Variants in GRIN2C observed in about 807,000 individuals in gnomAD.
The protein encoded by GRIN2C is glutamate ionotropic receptor NMDA type subunit 2C, also known as glutamate receptor ionotropic, NMDA 2C.
In GRIN2C, 64 loss-of-function variants were observed where a neutral mutation model predicts 77.7. That is an observed-to-expected ratio of 0.82 (90% CI 0.67 to 1.01). The LOEUF is 1.01. Ranked by LOEUF, GRIN2C falls within the 50% of genes least tolerant of loss-of-function variation. The probability of loss-of-function intolerance (pLI) is 0.00; values close to 1 mark genes in which losing one functional copy is unlikely to be tolerated. For synonymous variants in GRIN2C, 792 were observed against 643.4 expected, an observed-to-expected ratio of 1.23 and a Z score of -3.49; for missense variants, 1,549 against 1,486.0, an observed-to-expected ratio of 1.04 and a Z score of -0.70.
intron 1 of GRIN2C, among the ~76,000 whole-genome samples, 186 bp from the exon 2 acceptor site, chr17:74,855,293 G>T (rs2037791272): frequency 6.6e-6 from 1 of 152,162 alleles, no homozygotes; most frequent in South Asian, 2.1e-4. Context: ...AAGAGACAGA[G>T]GTTAGTTGAG....
At position 74,847,348 on chromosome 17, in the gene GRIN2C, T is replaced by C. The variant is rs1380703593; in HGVS notation, c.1961A>G (p.Glu654Gly). The change falls in exon 9 of 13, where the codon GAG becomes GGG. Residue 654 changes from glutamate (E) to glycine (G), a missense_variant. Coordinates refer to ENST00000293190, the MANE Select transcript of GRIN2C (RefSeq NM_000835.6). This position sits in a 1 kb window ranked among gnomAD's most constrained non-coding sequence, Gnocchi z 5.2. ...GCCCGACACAGTGTCGATGTATTGC[T>C]CTTGGATCATGAAGGCGGCCAGGTT... is the stretch of plus-strand genomic sequence containing the variant. ...TANLAAFMIQ[E>G]QYIDTVSGLS... 2.7e-6 allele frequency: 4 copies of C among 1,507,782 alleles called. No individual in the cohort carries two copies. Among genetic ancestry groups the C allele is most frequent in the Non-Finnish European group, 3.6e-6 (4 of 1,115,862 alleles). 93.4% of individuals were successfully genotyped at this position (1,507,782 alleles called of 1,614,324 possible).
At position 74,850,019 on chromosome 17, in the gene GRIN2C, G is replaced by A. The variant is rs1200003262; in HGVS notation, c.1492-86C>T. The stretch of plus-strand genomic sequence containing the variant: ...CAGGCACCTCCAGACACCCCTTCTA[G>A]CACCCACCAGCTGAGTCAATCATTC... On this transcript the variant is annotated intron_variant, in intron 6 of 12. Transcript: ENST00000293190. This position sits in a 1 kb window ranked among gnomAD's most constrained non-coding sequence, Gnocchi z 5.3. 5.5e-6 allele frequency: 8 copies of A among 1,447,802 alleles called. No homozygotes were observed. In the East Asian group the frequency reaches 1.8e-4, roughly 33 times the overall value. 89.7% of individuals were successfully genotyped at this position (1,447,802 alleles called of 1,614,324 possible).
Position 74,852,002 on chromosome 17 carries a change from C to A in GRIN2C, c.998+11G>T. 1 of 1,467,264 alleles carries A rather than the reference C, an allele frequency of 6.8e-7. No individual in the cohort carries two copies. The highest frequency in any genetic ancestry group is 2.5e-5 in the East Asian group (1 of 40,500). The allele number at this position is 1,467,264 out of a possible 1,614,324, so 90.9% of individuals were successfully genotyped here. On this transcript the variant is annotated intron_variant, in intron 3 of 12. Coordinates refer to ENST00000293190, the MANE Select transcript of GRIN2C (RefSeq NM_000835.6). ...CACCTCCCTACCCCTATGCCCCGGG[C>A]AGGTGCCCACCTGTAGAAGGCCTCC...
chr17:74,859,023 C>T lies in GRIN2C; in HGVS notation c.-16+721G>A, dbSNP rs558183887. On this transcript the variant is annotated intron_variant, in intron 1 of 12. Transcript: ENST00000293190. The surrounding 1 kb of genome is among the most constrained non-coding windows in gnomAD (Gnocchi z 5.9). ...CTTCTTCCCCCTGCCCTGGCTTCCC[C>T]TCCTGGGTGGGGAGCTCTGTGTAGT... 4.6e-5 allele frequency among the ~76,000 whole-genome samples: 7 copies of T among 152,188 alleles called. No individual in the cohort carries two copies. Among genetic ancestry groups the T allele is most frequent in the African/African-American group, 1.7e-4 (7 of 41,544 alleles).
Position 74,848,916 on chromosome 17 carries a change from C to G in GRIN2C, c.1645+864G>C, listed in dbSNP as rs527352349. ...CCTGTGGTCCCAGCTACTCAAGAGG[C>G]TGAGGTGGGAGGATCACTTGAGCCC... is the stretch of plus-strand genomic sequence containing the variant. On this transcript the variant is annotated intron_variant, in intron 7 of 12. Coordinates refer to ENST00000293190, the MANE Select transcript of GRIN2C (RefSeq NM_000835.6). Among the ~76,000 whole-genome samples, 16 of 151,962 alleles carry G rather than the reference C, an allele frequency of 1.1e-4. No homozygotes were observed. In the Middle Eastern group the frequency reaches 0.01, roughly 97 times the overall value.
chr17:74,847,608 C>A lies in GRIN2C; in HGVS notation c.1772-71G>T. The A allele has an allele frequency of 3.5e-6, 4 of 1,150,360 alleles. No individual in the cohort carries two copies. Among genetic ancestry groups the A allele is most frequent in the Non-Finnish European group, 5.1e-6 (4 of 790,186 alleles). 71.3% of individuals were successfully genotyped at this position (1,150,360 alleles called of 1,614,324 possible). The stretch of plus-strand genomic sequence containing the variant: ...ATGAAAGGGCTCAGGGCTCAGCCCA[C>A]CCGACTGCACAGCTCCGGTCTCAGC... On this transcript the variant is annotated intron_variant, in intron 8 of 12. Coordinates refer to ENST00000293190, the MANE Select transcript of GRIN2C (RefSeq NM_000835.6). The surrounding 1 kb of genome is among the most constrained non-coding windows in gnomAD (Gnocchi z 5.2).
At chr17:74,852,633 G>GC (rs199662980) in intron 2 of GRIN2C, 22 bp from the exon 3 acceptor site, 1,219,360 of 1,219,386 alleles carry the variant, frequency 1, 609,667 homozygotes, top group Middle Eastern at 1. Flanking sequence ...CGGGGCCTGA[G>GC]CGGGGCGGGA....
chr17:74,854,982 G>A lies in GRIN2C; in HGVS notation c.111C>T (p.Ser37=), dbSNP rs1331934951. 2 of 1,609,738 alleles carry A rather than the reference G, an allele frequency of 1.2e-6. No homozygotes were observed. Among genetic ancestry groups the A allele is most frequent in the South Asian group, 1.1e-5 (1 of 91,044 alleles). ...ACTGGGCCTGGGGCGGCCCTGAGCT[G>A]CTAAACACCACGGCCACCGTCATGC... ...EQGMTVAVVF[S]SSGPPQAQFR... The change falls in exon 2 of 13, where the codon AGC becomes AGT. Residue 37 remains serine, a synonymous_variant. Transcript: ENST00000293190.
Position 74,843,608 on chromosome 17 carries a change from C to T in GRIN2C, c.2584-55G>A, listed in dbSNP as rs1167367068. Reference sequence around the variant, plus strand: ...GCAGCGCCCTCCGCTCAGGGACCCGCCACGATTGTCCCTGCCTGGTCCCAA... The same window carrying T: ...GCAGCGCCCTCCGCTCAGGGACCCGTCACGATTGTCCCTGCCTGGTCCCAA... On this transcript the variant is annotated intron_variant, in intron 12 of 12. Transcript: ENST00000293190. The T allele has an allele frequency of 1.9e-5, 29 of 1,521,672 alleles. No homozygotes were observed. In the South Asian group the frequency reaches 3.0e-4, roughly 16 times the overall value. The allele number at this position is 1,521,672 out of a possible 1,614,324, so 94.3% of individuals were successfully genotyped here.
rs770248533 is a variant in GRIN2C, at chr17:74,842,661, A to C, written c.3476T>G (p.Phe1159Cys). Residue 1159 changes from phenylalanine (F) to cysteine (C), a missense_variant, in exon 13 of 13, where the codon TTT becomes TGT. Phe to Cys is a radical substitution (Grantham distance 205). Coordinates refer to ENST00000293190, the MANE Select transcript of GRIN2C (RefSeq NM_000835.6). The part of the protein sequence containing the change: ...VCLHAHAHLP[F>C]CWGAVCPHLP... ...GTGAGGACAGACAGCCCCCCAGCAAAATGGCAGGTGGGCGTGGGCGTGCAG... is the reference window on the plus strand; with the variant it reads ...GTGAGGACAGACAGCCCCCCAGCAACATGGCAGGTGGGCGTGGGCGTGCAG... 1 of 745,444 alleles carries C rather than the reference A, an allele frequency of 1.3e-6. No individual in the cohort carries two copies. The highest frequency in any genetic ancestry group is 1.4e-5 in the South Asian group (1 of 70,392). 46.2% of individuals were successfully genotyped at this position (745,444 alleles called of 1,614,324 possible). A position where few individuals can be genotyped will look rare whatever the true frequency, so the allele number is the denominator to read the frequency against.
chr17:74,843,130 G>T lies in GRIN2C; in HGVS notation c.3007C>A (p.Arg1003=). 1 of 421,908 alleles carries T rather than the reference G, an allele frequency of 2.4e-6. No homozygotes were observed. The allele number at this position is 421,908 out of a possible 1,614,324, so 26.1% of individuals were successfully genotyped here. A position where few individuals can be genotyped will look rare whatever the true frequency, so the allele number is the denominator to read the frequency against. ...CAGTGCCCGGTCCGCACCGGCCACCGCGCCTCCCAGGCTGGGCGGCGCGAC... is the reference window on the plus strand; with the variant it reads ...CAGTGCCCGGTCCGCACCGGCCACCTCGCCTCCCAGGCTGGGCGGCGCGAC... The part of the protein sequence containing the change: ...RVSRRPAWEA[R]WPVRTGHCGR... The change falls in exon 13 of 13, where the codon CGG becomes AGG. Residue 1003 remains arginine, a synonymous_variant. Transcript: ENST00000293190.
intron 11 of GRIN2C, among the ~76,000 whole-genome samples, chr17:74,845,139 A>C (rs1470006269): frequency 3.3e-5 from 5 of 152,052 alleles, no homozygotes; most frequent in Non-Finnish European, 2.9e-5. Flanking sequence ...CATGTTGTCC[A>C]AGCTGATCCC....
chr17:74,843,222 C>T lies in GRIN2C; in HGVS notation c.2915G>A (p.Arg972His), dbSNP rs905414923. 5.4e-6 allele frequency: 3 copies of T among 559,408 alleles called. No homozygotes were observed. The highest frequency in any genetic ancestry group is 4.4e-5 in the Admixed American group (1 of 22,578). 34.7% of individuals were successfully genotyped at this position (559,408 alleles called of 1,614,324 possible). ...PPDGGRAALV[R>H]RAPQPPGRPP... Reference sequence around the variant, plus strand: ...GCGGCCCGGGGGCTGCGGAGCCCTGCGCACAAGCGCCGCGCGACCCCCGTC... The same window carrying T: ...GCGGCCCGGGGGCTGCGGAGCCCTGTGCACAAGCGCCGCGCGACCCCCGTC... The change falls in exon 13 of 13, where the codon CGC (arginine) becomes CAC (histidine). Residue 972 changes from arginine (R) to histidine (H), a missense_variant. By Grantham distance (29) the Arg-to-His change is conservative. Around this residue, in one of 3 missense-constraint regions of GRIN2C, gnomAD observed 450 missense variants for 267.9 expected, o/e 1.68. Transcript: ENST00000293190.
Position 74,844,443 on chromosome 17 carries a change from T to A in GRIN2C, c.2416A>T (p.Met806Leu). The A allele has an allele frequency of 6.2e-7, 1 of 1,614,246 alleles. No homozygotes were observed. Among genetic ancestry groups the A allele is most frequent in the South Asian group, 1.1e-5 (1 of 91,086 alleles). ...TTGTCGATGTCCAGCTTGCTGCTCA[T>A]CACCTCGTTCTTCTCATTCTGGCAG... ...GICQNEKNEV[M>L]SSKLDIDNMA... is the part of the protein sequence containing the mutation. The change falls in exon 12 of 13, where the codon ATG (methionine) becomes TTG (leucine). Residue 806 changes from methionine to leucine, a missense_variant. Physicochemically the swap from Met to Leu is conservative, Grantham distance 15 (BLOSUM62 2). Coordinates refer to ENST00000293190, the MANE Select transcript of GRIN2C (RefSeq NM_000835.6).
chr17:74,843,260 G>T lies in GRIN2C; in HGVS notation c.2877C>A (p.Gly959=). Residue 959 remains glycine, a synonymous_variant, in exon 13 of 13, where the codon GGC becomes GGA. Coordinates refer to ENST00000293190, the MANE Select transcript of GRIN2C (RefSeq NM_000835.6). ...CGCGACCCCCGTCTGGCGGTCCCCA[G>T]CCCGTGGGGCTCGGCTCTGGGGGCG... is the stretch of plus-strand genomic sequence containing the variant. The part of the protein sequence containing the change: ...PDPPPEPSPT[G]WGPPDGGRAA... 1.2e-6 allele frequency: 1 copy of T among 823,402 alleles called. No individual in the cohort carries two copies. Among genetic ancestry groups the T allele is most frequent in the Non-Finnish European group, 1.7e-6 (1 of 585,242 alleles). 51.0% of individuals were successfully genotyped at this position (823,402 alleles called of 1,614,324 possible).
Position 74,842,223 on chromosome 17 carries a change from T to C in GRIN2C, c.*212A>G, listed in dbSNP as rs2037305224. ...CCACAGCACACCCTCCTGGCAGAACTCTGCGTGAGAAGAGGACAGCAAAAG... is the reference window on the plus strand; with the variant it reads ...CCACAGCACACCCTCCTGGCAGAACCCTGCGTGAGAAGAGGACAGCAAAAG... On this transcript the variant is annotated 3_prime_UTR_variant, in exon 13 of 13. Transcript: ENST00000293190. The C allele has an allele frequency of 1.9e-6, 1 of 531,982 alleles. No individual in the cohort carries two copies. The highest frequency in any genetic ancestry group is 2.5e-5 in the South Asian group (1 of 40,186). The allele number at this position is 531,982 out of a possible 1,614,324, so 33.0% of individuals were successfully genotyped here.
In GRIN2C at chr17:74,850,664, GCCA is replaced by G. The variant is rs2037612273; in HGVS notation, c.1214_1216del (p.Val405del). 5 of 1,613,668 alleles carry G rather than the reference GCCA, an allele frequency of 3.1e-6. No homozygotes were observed. The highest frequency in any genetic ancestry group is 4.2e-6 in the Non-Finnish European group (5 of 1,179,990). On this transcript the variant is annotated inframe_deletion, in exon 5 of 13. Transcript: ENST00000293190. The surrounding 1 kb of genome is among the most constrained non-coding windows in gnomAD (Gnocchi z 5.3). ...GACAAAGGGCCGCTCTTCCAGCGTG[GCCA>G]CCGTCAGGTGCCGACTGTCCACCAC... is the stretch of plus-strand genomic sequence containing the variant.
Position 74,847,920 on chromosome 17 carries a change from G to A in GRIN2C, c.1703C>T (p.Ala568Val), listed in dbSNP as rs1191086980. The A allele has an allele frequency of 1.9e-6, 3 of 1,613,900 alleles. No homozygotes were observed. The highest frequency in any genetic ancestry group is 1.3e-5 in the African/African-American group (1 of 75,030). Residue 568 changes from alanine (A) to valine (V), a missense_variant, in exon 8 of 13, where the codon GCC becomes GTC. Physicochemically the swap from Ala to Val is moderately conservative, Grantham distance 64. This residue lies in a region of GRIN2C where 717 missense variants were observed against 858.1 expected (regional missense o/e 0.84). Transcript: ENST00000293190. This position sits in a 1 kb window ranked among gnomAD's most constrained non-coding sequence, Gnocchi z 5.2. ...MMFVMCLTVV[A>V]ITVFMFEYFS... ...GTACTCGAACATGAAGACGGTGATG[G>A]CCACCACAGTGAGGCACATGACAAA...
upstream of GRIN2C, chr17:74,860,319 A>C: frequency 2.3e-6 from 1 of 433,138 alleles, no homozygotes; most frequent in East Asian, 7.1e-5. Flanking sequence ...CAGGGACTGA[A>C]CTAAGATAAC....
Sources: gnomAD v4.1 joint callset for allele counts (sites outside exome capture counted in the v4.1 genomes callset) on GRCh38, gnomAD v4.1.1 for gene constraint, gnomAD v4.1.1 regional missense constraint, Gnocchi (gnomAD v3.1) non-coding constraint, MANE v1.5 for transcripts, NCBI Gene and HGNC (gene_info 2026-07-23, HGNC 2026-07-21) for gene names.